The following ST6GALNAC5 variants were observed in gnomAD, a reference collection of about 807,000 sequenced individuals.
The protein encoded by ST6GALNAC5 is alpha-N-acetylgalactosaminide alpha-2,6-sialyltransferase 5.
Under a neutral mutation model 33.6 loss-of-function variants are expected in ST6GALNAC5, and 27 were observed. That is an observed-to-expected ratio of 0.80 (90% CI 0.59 to 1.11). ST6GALNAC5 has a LOEUF of 1.11. ST6GALNAC5 is among the 50% of genes least tolerant of loss of function. The pLI, the probability that ST6GALNAC5 is intolerant of heterozygous loss-of-function variation, is 0.00. For synonymous variants in ST6GALNAC5, 194 were observed against 171.2 expected (o/e 1.13, Z -1.04); for missense variants, 428 against 454.0 (o/e 0.94, Z 0.52).
intron 2 of ST6GALNAC5, among the ~76,000 whole-genome samples, chr1:76,985,557 A>G (rs1649459362): frequency 1.3e-5 from 2 of 152,212 alleles, no homozygotes; most frequent in Non-Finnish European, 2.9e-5. Flanking sequence ...GATAGGAAGA[A>G]TCAATATCAT....
intron 2 of ST6GALNAC5, among the ~76,000 whole-genome samples, chr1:77,042,157 T>C (rs199701): frequency 0.12 from 17,956 of 152,222 alleles, 1,739 homozygotes; most frequent in African/African-American, 0.27. Flanking sequence ...AGAGTATTAT[T>C]TGAAGGATTA....
At chr1:76,901,950 A>T (rs976575486) in intron 2 of ST6GALNAC5, among the ~76,000 whole-genome samples, 2 of 152,092 alleles carry the variant, frequency 1.3e-5, no homozygotes, top group Non-Finnish European at 2.9e-5. Flanking sequence ...GGAAGTTATC[A>T]CTTTCCTCTT....
intron 2 of ST6GALNAC5, among the ~76,000 whole-genome samples, chr1:76,941,114 G>T (rs1387611139): frequency 6.6e-6 from 1 of 152,106 alleles, no homozygotes; most frequent in African/African-American, 2.4e-5. Context: ...GTGACCAGAT[G>T]TCAGGATTGA....
At chr1:77,062,399 A>G (rs897389817) in intron 4 of ST6GALNAC5, among the ~76,000 whole-genome samples, 4 of 152,188 alleles carry the variant, frequency 2.6e-5, no homozygotes, top group Non-Finnish European at 5.9e-5. Flanking sequence ...AGGGTATTCC[A>G]GGCAAGTGAC....
At chr1:76,960,898 A>G (rs952303702) in intron 2 of ST6GALNAC5, among the ~76,000 whole-genome samples, 1 of 152,116 alleles carries the variant, frequency 6.6e-6, no homozygotes, top group Non-Finnish European at 1.5e-5. Context: ...TCTACAAACA[A>G]TTTGTGCAGT....
intron 2 of ST6GALNAC5, among the ~76,000 whole-genome samples, chr1:76,963,994 G>A (rs370402205): frequency 3.3e-5 from 5 of 152,232 alleles, no homozygotes; most frequent in African/African-American, 1.2e-4. Context: ...AGAGGAGGGG[G>A]CCATGAGCCA....
intron 2 of ST6GALNAC5, among the ~76,000 whole-genome samples, chr1:76,995,196 A>G (rs1404989892): frequency 6.6e-6 from 1 of 152,162 alleles, no homozygotes; most frequent in Non-Finnish European, 1.5e-5. Flanking sequence ...TCAGGAGTTC[A>G]AGACCAGCTT....
chr1:77,034,040 G>A (rs1279454762), intron 2 of ST6GALNAC5, among the ~76,000 whole-genome samples: 1 of 152,168 alleles, frequency 6.6e-6, no homozygotes, highest in Non-Finnish European at 1.5e-5. Flanking sequence ...TAGCGACCTT[G>A]TTGGTGGCAA....
chr1:77,023,706 A>G (rs1215171112), intron 2 of ST6GALNAC5, among the ~76,000 whole-genome samples: 1 of 152,144 alleles, frequency 6.6e-6, no homozygotes, highest in Non-Finnish European at 1.5e-5. Flanking sequence ...GCACTTTATT[A>G]TATTGTTTTT....
chr1:76,883,405 G>A (rs902387315), intron 2 of ST6GALNAC5, among the ~76,000 whole-genome samples: 1 of 152,088 alleles, frequency 6.6e-6, no homozygotes, highest in African/African-American at 2.4e-5. Flanking sequence ...TTGAATGTTG[G>A]GTAGGCAAAG....
intron 2 of ST6GALNAC5, among the ~76,000 whole-genome samples, chr1:76,930,021 G>A (rs1213698177): frequency 2.0e-5 from 3 of 152,056 alleles, no homozygotes; most frequent in African/African-American, 7.2e-5. Flanking sequence ...GATAAAATTT[G>A]AAAAATAGAT....
intron 2 of ST6GALNAC5, among the ~76,000 whole-genome samples, chr1:76,948,037 G>A (rs939289703): frequency 1.3e-5 from 2 of 152,078 alleles, no homozygotes; most frequent in African/African-American, 2.4e-5. Flanking sequence ...CCCAAAGAGC[G>A]AATTGTTTAA....
intron 2 of ST6GALNAC5, among the ~76,000 whole-genome samples, chr1:76,875,132 C>G (rs1432973586): frequency 6.6e-6 from 1 of 152,048 alleles, no homozygotes; most frequent in African/African-American, 2.4e-5. Flanking sequence ...ATACTCATGA[C>G]AATTACAGTC....
chr1:76,992,851 T>C (rs951443752), intron 2 of ST6GALNAC5, among the ~76,000 whole-genome samples: 7 of 152,298 alleles, frequency 4.6e-5, no homozygotes, highest in East Asian at 1.9e-4. Context: ...AGACGATTCC[T>C]GTGTATTTCC....
chr1:76,974,566 C>A (rs1267085006), intron 2 of ST6GALNAC5, among the ~76,000 whole-genome samples: 1 of 151,616 alleles, frequency 6.6e-6, no homozygotes, highest in Non-Finnish European at 1.5e-5. Context: ...TGTAAATTTT[C>A]TTGGTACATT....
intron 2 of ST6GALNAC5, among the ~76,000 whole-genome samples, chr1:76,984,496 C>T (rs868086624): frequency 2.6e-5 from 4 of 152,288 alleles, no homozygotes; most frequent in South Asian, 2.1e-4. Context: ...AGACCAATAA[C>T]AGGCTCTGAA....
chr1:76,951,886 TGG>T (rs771546034), intron 2 of ST6GALNAC5, among the ~76,000 whole-genome samples: 1 of 152,098 alleles, frequency 6.6e-6, no homozygotes, highest in Non-Finnish European at 1.5e-5. Flanking sequence ...CAAAATAATA[TGG>T]TTAGTATTTT....
intron 2 of ST6GALNAC5, among the ~76,000 whole-genome samples, chr1:76,944,572 G>C (rs545442623): frequency 6.6e-6 from 1 of 152,152 alleles, no homozygotes; most frequent in South Asian, 2.1e-4. Flanking sequence ...CCCAGTGCTG[G>C]TATGTACTCT....
chr1:77,017,151 A>C (rs1316948785), intron 2 of ST6GALNAC5, among the ~76,000 whole-genome samples: 1,034 of 44,500 alleles, frequency 0.023, 15 homozygotes, highest in African/African-American at 0.15. Context: ...AGGAAAAGGC[A>C]AAAAAAAAAA....
Sources: gnomAD v4.1 joint callset for allele counts (sites outside exome capture counted in the v4.1 genomes callset) on GRCh38, gnomAD v4.1.1 for gene constraint, MANE v1.5 for transcripts, NCBI Gene and HGNC (gene_info 2026-07-23, HGNC 2026-07-21) for gene names.